Variants in SKIL observed in about 807,000 individuals in gnomAD.
SKIL encodes the protein SKI like proto-oncogene, also known as ski-like protein.
Under a neutral mutation model 69.6 loss-of-function variants are expected in SKIL, and 20 were observed. The observed-to-expected ratio is 0.29, with a 90% CI of 0.20 to 0.42. SKIL has a LOEUF of 0.42. Ranked by LOEUF, SKIL falls within the 10% of genes least tolerant of loss-of-function variation. The probability of loss-of-function intolerance (pLI) is 1.00; values close to 1 mark genes in which losing one functional copy is unlikely to be tolerated. For synonymous variants in SKIL, 310 were observed against 279.9 expected (o/e 1.11, Z -1.08); for missense variants, 745 against 783.1 (o/e 0.95, Z 0.58).
intron 2 of SKIL, among the ~76,000 whole-genome samples, chr3:170,380,278 T>C (rs981099715): frequency 1.3e-5 from 2 of 152,204 alleles, no homozygotes; most frequent in Non-Finnish European, 2.9e-5. Flanking sequence ...TAGGGTATAG[T>C]CTAGCCGATT....
chr3:170,382,418 T>A (rs1175321481), intron 3 of SKIL, among the ~76,000 whole-genome samples: 5 of 151,192 alleles, frequency 3.3e-5, no homozygotes, highest in East Asian at 1.9e-4. Context: ...CTTTGATTTT[T>A]TTTTTTTTTT....
At position 170,360,449 on chromosome 3, in the gene SKIL, G is replaced by A. The variant is rs1464246240; in HGVS notation, c.118G>A (p.Gly40Arg). The change falls in exon 2 of 7, where the codon GGA (glycine) becomes AGA (arginine). Residue 40 changes from glycine to arginine, a missense_variant. By Grantham distance (125) the Gly-to-Arg change is moderately radical (BLOSUM62 -2). Transcript: ENST00000259119. ...KKMITDIHAN[G>R]KTINKVPTVK... ...AATGATAACGGACATTCATGCAAAT[G>A]GAAAAACGATAAACAAGGTGCCAAC... The A allele has an allele frequency of 1.2e-6, 2 of 1,613,944 alleles. No individual in the cohort carries two copies. The highest frequency in any genetic ancestry group is 2.2e-5 in the East Asian group (1 of 44,884).
chr3:170,383,978 A>G (rs1737487610), intron 3 of SKIL, among the ~76,000 whole-genome samples: 1 of 150,296 alleles, frequency 6.7e-6, no homozygotes. Flanking sequence ...TTTTGAGGGA[A>G]GGAGAAGAGC....
At chr3:170,377,620 C>G (rs1172333186) in intron 2 of SKIL, among the ~76,000 whole-genome samples, 1 of 141,076 alleles carries the variant, frequency 7.1e-6, no homozygotes, top group African/African-American at 2.7e-5. Context: ...ACGATCTCGG[C>G]TCACTGCAAC....
At chr3:170,390,555 C>A in intron 5 of SKIL, 91 bp downstream of exon 5, 1 of 992,198 alleles carries the variant, frequency 1.0e-6, no homozygotes, top group East Asian at 2.6e-5. Context: ...GGCGCAGTCT[C>A]AGCTCACTGA....
chr3:170,387,428 T>G (rs1237635736), intron 4 of SKIL, among the ~76,000 whole-genome samples: 1 of 152,204 alleles, frequency 6.6e-6, no homozygotes, highest in East Asian at 1.9e-4. Context: ...AAAGGAATTG[T>G]ACAATATGTG....
chr3:170,384,115 T>G (rs1321080512), intron 3 of SKIL, among the ~76,000 whole-genome samples: 2 of 151,282 alleles, frequency 1.3e-5, no homozygotes, highest in Non-Finnish European at 2.9e-5. Flanking sequence ...CTTTGGGAGT[T>G]GGAGGTGGGA....
intron 1 of SKIL, among the ~76,000 whole-genome samples, chr3:170,358,099 C>T (rs1290792934): frequency 6.6e-6 from 1 of 152,158 alleles, no homozygotes; most frequent in East Asian, 1.9e-4. Context: ...CCCAGTCCAG[C>T]AGCGCTCCGC....
At chr3:170,358,131 C>G (rs1468957835) in intron 1 of SKIL, among the ~76,000 whole-genome samples, 8 of 152,156 alleles carry the variant, frequency 5.3e-5, no homozygotes, top group African/African-American at 4.8e-5. Context: ...GGTCTCGACC[C>G]GGTCCGTCAG....
chr3:170,387,549 A>G (rs945636161), intron 4 of SKIL, among the ~76,000 whole-genome samples: 1 of 152,038 alleles, frequency 6.6e-6, no homozygotes, highest in South Asian at 2.1e-4. Flanking sequence ...ATAAGATTCC[A>G]TTATGTGAAT....
chr3:170,360,524 G>C lies in SKIL; in HGVS notation c.193G>C (p.Asp65His), dbSNP rs373113659. 21 of 1,614,116 alleles carry C rather than the reference G, an allele frequency of 1.3e-5. No individual in the cohort carries two copies. The African/African-American group carries it at 2.5e-4, about 19-fold the overall frequency. The change falls in exon 2 of 7, where the codon GAT (aspartate) becomes CAT (histidine). Residue 65 changes from aspartate to histidine, a missense_variant. Transcript: ENST00000259119. The stretch of plus-strand genomic sequence containing the variant: ...CTATGGAGAAGCACCAGTGGAAACT[G>C]ATGGAGAGCATGTTAAGCGAACCTG... The part of the protein sequence containing the change: ...DDYGEAPVET[D>H]GEHVKRTCTS...
At chr3:170,377,665 C>T (rs1347816163) in intron 2 of SKIL, among the ~76,000 whole-genome samples, 2 of 148,970 alleles carry the variant, frequency 1.3e-5, no homozygotes, top group Non-Finnish European at 1.5e-5. Flanking sequence ...TCTCCTGCCT[C>T]AGCCTCCTGA....
chr3:170,370,306 T>C (rs1560210531), intron 2 of SKIL, among the ~76,000 whole-genome samples: 1 of 151,890 alleles, frequency 6.6e-6, no homozygotes, highest in Admixed American at 6.6e-5. Flanking sequence ...GCAGAAAGAA[T>C]GAATAGGAAA....
chr3:170,389,880 A>C (rs1458778804), intron 4 of SKIL, among the ~76,000 whole-genome samples: 1 of 152,270 alleles, frequency 6.6e-6, no homozygotes, highest in South Asian at 2.1e-4. Context: ...TATGGATTTT[A>C]GAAACTGCTT....
At chr3:170,377,997 G>T (rs540055554) in intron 2 of SKIL, among the ~76,000 whole-genome samples, 2 of 152,014 alleles carry the variant, frequency 1.3e-5, no homozygotes, top group Admixed American at 6.6e-5. Flanking sequence ...AGGTTCAAGC[G>T]ATTCTCCTGC....
At chr3:170,364,286 A>G (rs1736390098) in intron 2 of SKIL, among the ~76,000 whole-genome samples, 1 of 140,732 alleles carries the variant, frequency 7.1e-6, no homozygotes, top group Non-Finnish European at 1.5e-5. Context: ...TGGAGGCCAC[A>G]TTTGCCAGAT....
intron 1 of SKIL, 118 bp downstream of exon 1, chr3:170,357,881 A>G (rs1298860827): frequency 6.5e-6 from 1 of 152,880 alleles, no homozygotes; most frequent in African/African-American, 2.4e-5. Flanking sequence ...AAGCTCGTCG[A>G]GCTTACCCGG....
intron 4 of SKIL, among the ~76,000 whole-genome samples, chr3:170,388,330 T>C (rs961257671): frequency 5.7e-5 from 7 of 122,956 alleles, no homozygotes; most frequent in Non-Finnish European, 1.0e-4. Flanking sequence ...TTCAGGTCTT[T>C]TGGCTATTTT....
chr3:170,391,324 CT>C (rs879356232), intron 6 of SKIL, 64 bp downstream of exon 6: 102,427 of 653,416 alleles, frequency 0.16, no homozygotes, highest in South Asian at 0.24. Context: ...TTACTTCTCT[CT>C]TTTTTTTTTT....
Sources: allele counts gnomAD v4.1 joint callset (sites outside exome capture counted in the v4.1 genomes callset), GRCh38; gene constraint gnomAD v4.1.1; transcripts MANE v1.5; gene names NCBI Gene and HGNC (gene_info 2026-07-23, HGNC 2026-07-21).